Variants in KCNT2 observed in about 807,000 individuals in gnomAD.
KCNT2 encodes the protein potassium sodium-activated channel subfamily T member 2, also known as potassium channel subfamily T member 2.
A neutral mutation model predicts 153.8 loss-of-function variants in KCNT2; 67 were observed. The ratio of observed to expected loss-of-function variants is 0.44; its 90% CI spans 0.36 to 0.53. The LOEUF (loss-of-function observed/expected upper bound fraction) is 0.53, where lower values mean the gene tolerates loss of function less well. Among genes scored for constraint, KCNT2 ranks in the 20% least tolerant of loss-of-function variants. The pLI, the probability that KCNT2 is intolerant of heterozygous loss-of-function variation, is 0.00. For synonymous variants in KCNT2, 500 were observed against 458.8 expected, an observed-to-expected ratio of 1.09 and a Z score of -1.15; for missense variants, 975 against 1,354.8, an observed-to-expected ratio of 0.72 and a Z score of 4.40.
chr1:196,453,673 GGGGGGATAAT>G (rs1676409713), intron 8 of KCNT2, among the ~76,000 whole-genome samples: 1 of 151,870 alleles, frequency 6.6e-6, no homozygotes, highest in Admixed American at 6.6e-5. Flanking sequence ...CACATCCAAT[GGGGGGATAAT>G]TCACGTGTCA....
intron 1 of KCNT2, among the ~76,000 whole-genome samples, chr1:196,526,176 C>G (rs577818059): frequency 1.3e-5 from 2 of 150,862 alleles, no homozygotes; most frequent in African/African-American, 2.4e-5. Flanking sequence ...AAGGTAGGGT[C>G]TTAAGGCTCA....
At chr1:196,269,799 T>C (rs1299450613) in intron 25 of KCNT2, among the ~76,000 whole-genome samples, 1 of 152,134 alleles carries the variant, frequency 6.6e-6, no homozygotes, top group Non-Finnish European at 1.5e-5. Flanking sequence ...CTTGCATTCA[T>C]ACAAGTATGC....
chr1:196,443,829 C>T (rs572930417), intron 8 of KCNT2, among the ~76,000 whole-genome samples: 25 of 151,562 alleles, frequency 1.6e-4, no homozygotes, highest in African/African-American at 6.0e-4. Flanking sequence ...TTGAAACTGG[C>T]AATAGTTGGT....
chr1:196,509,075 C>T (rs990481179), intron 1 of KCNT2, among the ~76,000 whole-genome samples: 2 of 152,028 alleles, frequency 1.3e-5, no homozygotes, highest in African/African-American at 4.8e-5. Context: ...TCGAGAGCAG[C>T]CTGCCCAATA....
At chr1:196,250,136 T>C (rs1431482762) in intron 26 of KCNT2, among the ~76,000 whole-genome samples, 1 of 151,214 alleles carries the variant, frequency 6.6e-6, no homozygotes, top group East Asian at 1.9e-4. Context: ...AGACCCAGTA[T>C]AGCTACCCTG....
chr1:196,266,721 A>G (rs754180986), intron 25 of KCNT2, among the ~76,000 whole-genome samples: 13 of 152,148 alleles, frequency 8.5e-5, no homozygotes, highest in Non-Finnish European at 1.8e-4. Context: ...CCTGTTCTTA[A>G]ACCTGAAAAA....
At chr1:196,332,184 A>T (rs1664530944) in intron 17 of KCNT2, among the ~76,000 whole-genome samples, 1 of 152,220 alleles carries the variant, frequency 6.6e-6, no homozygotes, top group Admixed American at 6.5e-5. Flanking sequence ...GTTGGCTAAG[A>T]GATAAAATTA....
intron 1 of KCNT2, among the ~76,000 whole-genome samples, chr1:196,538,674 C>T (rs1030629153): frequency 6.6e-6 from 1 of 152,086 alleles, no homozygotes; most frequent in Admixed American, 6.5e-5. Context: ...GAGTTGTGTG[C>T]CTGCGCTCCA....
At chr1:196,361,581 C>A (rs1667627286) in intron 14 of KCNT2, among the ~76,000 whole-genome samples, 1 of 151,938 alleles carries the variant, frequency 6.6e-6, no homozygotes, top group South Asian at 2.1e-4. Flanking sequence ...CACTGTCTAC[C>A]TGAGAAGTTT....
chr1:196,432,429 A>T (rs1674247579), intron 8 of KCNT2, among the ~76,000 whole-genome samples: 1 of 152,114 alleles, frequency 6.6e-6, no homozygotes, highest in Non-Finnish European at 1.5e-5. Flanking sequence ...CCAACTCCGT[A>T]AACGCTGCTG....
intron 12 of KCNT2, among the ~76,000 whole-genome samples, chr1:196,409,269 C>T (rs1466914586): frequency 3.3e-5 from 5 of 150,900 alleles, no homozygotes; most frequent in Admixed American, 6.7e-5. Context: ...CTTTTATTGC[C>T]GCCTTTTGCA....
intron 1 of KCNT2, among the ~76,000 whole-genome samples, chr1:196,494,559 G>GT (rs1680107328): frequency 6.6e-6 from 1 of 151,866 alleles, no homozygotes; most frequent in South Asian, 2.1e-4. Flanking sequence ...CCACCATGCC[G>GT]TGTTAGTCAG....
rs1461458882 is a variant in KCNT2, at chr1:196,467,700, T to TA, written c.543+2dup. ...CATATTTGCACTTTAATTCTATACT[T>TA]ACAATCATATTTTCCAAGGCATGTT... On this transcript the variant is annotated splice_region_variant and intron_variant, in intron 7 of 27. Coordinates refer to ENST00000294725, the MANE Select transcript of KCNT2 (RefSeq NM_198503.5). The TA allele has an allele frequency of 6.3e-7, 1 of 1,574,836 alleles. No homozygotes were observed. Among genetic ancestry groups the TA allele is most frequent in the Non-Finnish European group, 8.7e-7 (1 of 1,146,412 alleles).
chr1:196,568,489 G>A (rs1455293150), intron 1 of KCNT2, among the ~76,000 whole-genome samples: 1 of 151,738 alleles, frequency 6.6e-6, no homozygotes, highest in Non-Finnish European at 1.5e-5. Context: ...CCAGCTACAC[G>A]GAAGCCTGAG....
At chr1:196,436,142 A>T (rs896072404) in intron 8 of KCNT2, among the ~76,000 whole-genome samples, 8 of 151,254 alleles carry the variant, frequency 5.3e-5, no homozygotes, top group Admixed American at 4.6e-4. Flanking sequence ...TCATAGCATC[A>T]TTTTCTGATA....
At chr1:196,295,409 T>C (rs948119524) in intron 22 of KCNT2, among the ~76,000 whole-genome samples, 20 of 151,578 alleles carry the variant, frequency 1.3e-4, no homozygotes, top group Non-Finnish European at 2.5e-4. Flanking sequence ...GTTACAACTA[T>C]AATTCTAAAA....
At chr1:196,229,960 T>G (rs572780863) in intron 27 of KCNT2, among the ~76,000 whole-genome samples, 2 of 152,126 alleles carry the variant, frequency 1.3e-5, no homozygotes, top group South Asian at 4.1e-4. Flanking sequence ...CTCCATAACA[T>G]AAACGTGCAA....
At chr1:196,417,589 T>C (rs949959719) in intron 12 of KCNT2, among the ~76,000 whole-genome samples, 3 of 152,152 alleles carry the variant, frequency 2.0e-5, no homozygotes, top group Non-Finnish European at 4.4e-5. Context: ...TAAATTATAA[T>C]CTACTAGCTT....
intron 1 of KCNT2, among the ~76,000 whole-genome samples, chr1:196,532,698 A>T (rs189648079): frequency 6.6e-6 from 1 of 152,146 alleles, no homozygotes; most frequent in Admixed American, 6.5e-5. Context: ...TCTGTTGCTG[A>T]GCCAAAATAA....
Sources: allele counts gnomAD v4.1 joint callset (sites outside exome capture counted in the v4.1 genomes callset), GRCh38; gene constraint gnomAD v4.1.1; transcripts MANE v1.5; gene names NCBI Gene and HGNC (gene_info 2026-07-23, HGNC 2026-07-21).